LILRB5: variants seen among roughly 807,000 people sequenced by gnomAD.
LILRB5 encodes the protein leukocyte immunoglobulin-like receptor subfamily B member 5.
LILRB5 carries 61 observed loss-of-function variants against 68.4 expected under a neutral mutation model. The observed-to-expected ratio is 0.89, with a 90% confidence interval of 0.73 to 1.10. LILRB5 has a LOEUF of 1.10. Ranked by LOEUF, LILRB5 falls within the 50% of genes least tolerant of loss-of-function variation. The pLI is 0.00. For synonymous variants in LILRB5, 356 were observed against 315.8 expected (o/e 1.13, Z -1.35); for missense variants, 771 against 751.6 (o/e 1.03, Z -0.30).
At chr19:54,255,213 A>G (rs1601039503) in intron 5 of LILRB5, 73 bp downstream of exon 5, 10 of 1,311,764 alleles carry the variant, frequency 7.6e-6, no homozygotes, top group Admixed American at 4.4e-5. Flanking sequence ...CATCCCGGCC[A>G]TCACTAATTG....
chr19:54,252,991 G>T lies in LILRB5; in HGVS notation c.1358-4C>A. 1.3e-6 allele frequency: 2 copies of T among 1,544,856 alleles called. No individual in the cohort carries two copies. The highest frequency in any genetic ancestry group is 1.1e-5 in the South Asian group (1 of 90,328). ...ACCCCCAGGTGCCTTCCCAGACCTT[G>T]AGCGTGATGACGTTGGGAATGGGGA... On this transcript the variant is annotated splice_region_variant and splice_polypyrimidine_tract_variant and intron_variant, in intron 8 of 12. Coordinates refer to ENST00000449561, the MANE Select transcript of LILRB5 (RefSeq NM_001081442.3).
chr19:54,255,802 T>C lies in LILRB5; in HGVS notation c.656-220A>G, dbSNP rs538978143. 345 of 696,390 alleles carry C rather than the reference T, an allele frequency of 5.0e-4. 3 individuals carry two copies. The highest frequency in any genetic ancestry group is 6.2e-4 in the Non-Finnish European group (262 of 424,322). 43.1% of individuals were successfully genotyped at this position (696,390 alleles called of 1,614,324 possible). A position where few individuals can be genotyped will look rare whatever the true frequency, so the allele number is the denominator to read the frequency against. On this transcript the variant is annotated intron_variant, in intron 4 of 12. Transcript: ENST00000449561. ...GTCTGTCTGGTCTGTCCTCTCCTCA[T>C]TGAGGGACAGGAAATTGCAGCAAAT...
chr19:54,257,107 A>G, intron 1 of LILRB5, 53 bp downstream of exon 1: 1 of 1,613,976 alleles, frequency 6.2e-7, no homozygotes, highest in Non-Finnish European at 8.5e-7. Context: ...GCCTCGCTTT[A>G]GAGTGAGCTC....
Position 54,256,022 on chromosome 19 carries a change from G to T in LILRB5, c.655+21C>A, listed in dbSNP as rs747941786. 2.0e-6 allele frequency: 3 copies of T among 1,517,804 alleles called. No homozygotes were observed. In the African/African-American group the frequency reaches 4.2e-5, roughly 21 times the overall value. 94.0% of individuals were successfully genotyped at this position (1,517,804 alleles called of 1,614,324 possible). On this transcript the variant is annotated intron_variant, in intron 4 of 12. Coordinates refer to ENST00000449561, the MANE Select transcript of LILRB5 (RefSeq NM_001081442.3). ...ATCTGGTTCCCCAAAATTATATAAA[G>T]AAGTGTGGTGGCTTTTTCACCTGGG...
chr19:54,254,636 C>G (rs767898988), intron 6 of LILRB5, 99 bp downstream of exon 6: 2 of 1,441,680 alleles, frequency 1.4e-6, no homozygotes, highest in African/African-American at 2.8e-5. Context: ...CTCAAACCCT[C>G]CCCCCCGCAC....
intron 4 of LILRB5, chr19:54,255,803 T>C (rs10405357): frequency 0.45 from 305,306 of 681,654 alleles, 72,876 homozygotes; most frequent in African/African-American, 0.66. Flanking sequence ...CTCTCCTCAT[T>C]GAGGGACAGG....
intron 4 of LILRB5, 175 bp downstream of exon 4, chr19:54,255,868 G>T: frequency 1.5e-6 from 1 of 661,570 alleles, no homozygotes; most frequent in Non-Finnish European, 2.5e-6. Flanking sequence ...CCAGGTGAGG[G>T]TGACTCAGGC....
In LILRB5 at chr19:54,256,589, A is replaced by T. The variant is rs2079152226; in HGVS notation, c.255T>A (p.Ile85=). ...LEPGAKAKFH[I]PSTVYDSAGR... The stretch of plus-strand genomic sequence containing the variant: ...CTGCACTGTCATACACCGTGGATGG[A>T]ATGTGGAACTTGGCCTTGGCTCCAG... The change falls in exon 3 of 13, where the codon ATT becomes ATA. Residue 85 remains isoleucine (I), a synonymous_variant. Coordinates refer to ENST00000449561, the MANE Select transcript of LILRB5 (RefSeq NM_001081442.3). 1 of 1,613,978 alleles carries T rather than the reference A, an allele frequency of 6.2e-7. No homozygotes were observed. The highest frequency in any genetic ancestry group is 1.3e-5 in the African/African-American group (1 of 74,894).
chr19:54,257,270 G>A lies in LILRB5; in HGVS notation c.-77C>T, dbSNP rs1043203502. On this transcript the variant is annotated 5_prime_UTR_variant, in exon 1 of 13. Coordinates refer to ENST00000449561, the MANE Select transcript of LILRB5 (RefSeq NM_001081442.3). ...CTGGCAGGACACAAAAACACGCAGAGTGTGGACTGGAGGCTGGGTTCTCCC... is the reference window on the plus strand; with the variant it reads ...CTGGCAGGACACAAAAACACGCAGAATGTGGACTGGAGGCTGGGTTCTCCC... The A allele has an allele frequency of 8.7e-5, 137 of 1,583,572 alleles. No individual in the cohort carries two copies. The highest frequency in any genetic ancestry group is 1.1e-4 in the Non-Finnish European group (132 of 1,153,304).
intron 12 of LILRB5, chr19:54,251,729 C>T (rs1318440296): frequency 2.1e-5 from 14 of 657,774 alleles, no homozygotes; most frequent in African/African-American, 5.3e-5. Context: ...TCCCTGGGAA[C>T]ACTCGCTGGT....
At position 54,250,479 on chromosome 19, in the gene LILRB5, T is replaced by G; in HGVS notation, c.*307A>C. ...CATTCGCTCATTTGTAGTTTTCCGA[T>G]TTCATCATTTAATGTGTAATATTTA... On this transcript the variant is annotated 3_prime_UTR_variant, in exon 13 of 13. Coordinates refer to ENST00000449561, the MANE Select transcript of LILRB5 (RefSeq NM_001081442.3). The G allele has an allele frequency of 2.8e-6, 1 of 352,036 alleles. No homozygotes were observed. Among genetic ancestry groups the G allele is most frequent in the Non-Finnish European group, 5.1e-6 (1 of 195,662 alleles). The allele number at this position is 352,036 out of a possible 1,614,324, so 21.8% of individuals were successfully genotyped here. A position where few individuals can be genotyped will look rare whatever the true frequency, so the allele number is the denominator to read the frequency against.
rs1331059354 is a variant in LILRB5, at chr19:54,250,835, C to G, written c.1727G>C (p.Arg576Thr). ...EATEPPPSQE[R>T]EPPAEPSIYA... ...GATGCTGGGTTCAGCTGGAGGTTCC[C>G]TTTCCTGGGATGGAGGAGGCTCAGT... Residue 576 changes from arginine (R) to threonine (T), a missense_variant, in exon 13 of 13, where the codon AGG becomes ACG. Arg to Thr is a moderately conservative substitution (Grantham distance 71). Coordinates refer to ENST00000449561, the MANE Select transcript of LILRB5 (RefSeq NM_001081442.3). 1 of 1,614,080 alleles carries G rather than the reference C, an allele frequency of 6.2e-7. No individual in the cohort carries two copies. The highest frequency in any genetic ancestry group is 8.5e-7 in the Non-Finnish European group (1 of 1,180,020).
In LILRB5 at chr19:54,250,717, G is replaced by T; in HGVS notation, c.*69C>A. ...TGGGGTTCATTGGTGTCCACTGGGG[G>T]CAGCTCCTGTGCCTTCTGGAGTCTC... On this transcript the variant is annotated 3_prime_UTR_variant, in exon 13 of 13. Transcript: ENST00000449561. 2.5e-6 allele frequency: 4 copies of T among 1,598,168 alleles called. No homozygotes were observed. The highest frequency in any genetic ancestry group is 1.7e-5 in the Admixed American group (1 of 59,272).
chr19:54,257,229 G>A lies in LILRB5; in HGVS notation c.-36C>T, dbSNP rs375688057. On this transcript the variant is annotated 5_prime_UTR_variant, in exon 1 of 13. Transcript: ENST00000449561. ...CCCACTGGACTCAGCTGTGCAGGCG[G>A]ATGAGACCACGGTGCCTGGCAGGAC... 2.1e-4 allele frequency: 346 copies of A among 1,613,958 alleles called. 1 individual carries two copies. The highest frequency in any genetic ancestry group is 1.3e-3 in the Middle Eastern group (8 of 6,084).
At chr19:54,255,965 T>G in intron 4 of LILRB5, 78 bp downstream of exon 4, 1 of 1,194,536 alleles carries the variant, frequency 8.4e-7, no homozygotes, top group Non-Finnish European at 1.2e-6. Context: ...GTCCTTGCCA[T>G]GATCAGTCAT....
Position 54,255,493 on chromosome 19 carries a change from C to T in LILRB5, c.745G>A (p.Gly249Ser), listed in dbSNP as rs1308400353. The T allele has an allele frequency of 5.6e-6, 9 of 1,614,046 alleles. No homozygotes were observed. Among genetic ancestry groups the T allele is most frequent in the Admixed American group, 5.0e-5 (3 of 60,022 alleles). ...TTGTACAGAACGAATATGTCATAGC[C>T]GACATCAGAGCGACACTGCAGGGTC... Reference protein sequence around the residue: ...SLTLQCRSDVGYDIFVLYKEG... With the variant: ...SLTLQCRSDVSYDIFVLYKEG... Residue 249 changes from glycine to serine, a missense_variant, in exon 5 of 13, where the codon GGC becomes AGC. By Grantham distance (56) the Gly-to-Ser change is moderately conservative. Transcript: ENST00000449561.
In LILRB5 at chr19:54,255,371, G is replaced by A. The variant is rs1056861191; in HGVS notation, c.867C>T (p.His289=). The A allele has an allele frequency of 2.6e-5, 42 of 1,613,998 alleles. No individual in the cohort carries two copies. Among genetic ancestry groups the A allele is most frequent in the African/African-American group, 1.2e-4 (9 of 74,940 alleles). The stretch of plus-strand genomic sequence containing the variant: ...CACCGTAGCATCTGTACTGGCCCCC[G>A]TGGGAGCGGCTCACAGGGCCCAGGG... The part of the protein sequence containing the change: ...NFTLGPVSRS[H]GGQYRCYGAH... The change falls in exon 5 of 13, where the codon CAC becomes CAT. Residue 289 remains histidine (H), a synonymous_variant. Transcript: ENST00000449561.
chr19:54,252,413 G>A lies in LILRB5; in HGVS notation c.1539-10C>T. ...AGCAACTGGGCTGGCCCTGGGGGAG[G>A]ACACGGGAGTGTGAGGGGCAGTGAG... On this transcript the variant is annotated splice_polypyrimidine_tract_variant and intron_variant, in intron 10 of 12. Transcript: ENST00000449561. 2 of 1,614,158 alleles carry A rather than the reference G, an allele frequency of 1.2e-6. No individual in the cohort carries two copies. The highest frequency in any genetic ancestry group is 1.7e-6 in the Non-Finnish European group (2 of 1,180,016).
intron 4 of LILRB5, 135 bp from the exon 5 acceptor site, chr19:54,255,717 C>T: frequency 9.0e-7 from 1 of 1,106,860 alleles, no homozygotes; most frequent in Non-Finnish European, 1.3e-6. Context: ...GCCTCCTTCT[C>T]ACCTGGGTCT....
Sources: allele counts gnomAD v4.1 joint callset, GRCh38; gene constraint gnomAD v4.1.1; transcripts MANE v1.5; gene names NCBI Gene and HGNC (gene_info 2026-07-23, HGNC 2026-07-21).